CFAP144: variants seen among roughly 807,000 people sequenced by gnomAD.
CFAP144 encodes the protein cilia and flagella associated protein 144.
the CFAP144 span, among the ~76,000 whole-genome samples, chr1:43,149,414 T>G: frequency 6.6e-6 from 1 of 152,228 alleles, no homozygotes; most frequent in East Asian, 1.9e-4. Flanking sequence ...ATTTCCCACT[T>G]TACCTGCATA....
chr1:43,152,998 A>G, the CFAP144 span: 2 of 1,541,382 alleles, frequency 1.3e-6, no homozygotes, highest in Non-Finnish European at 1.8e-6. Flanking sequence ...TGACCGTAGA[A>G]TAGAGCAGGG....
chr1:43,152,845 A>G, the CFAP144 span: 2 of 1,610,484 alleles, frequency 1.2e-6, no homozygotes, highest in Non-Finnish European at 1.7e-6. Flanking sequence ...TCTGAATCTC[A>G]TTCACCATGC....
the CFAP144 span, chr1:43,156,248 G>T: frequency 6.2e-7 from 1 of 1,613,970 alleles, no homozygotes; most frequent in Admixed American, 1.7e-5. Flanking sequence ...TCACTTCAGG[G>T]TCTGCAGTGA....
At chr1:43,145,126 G>T in the CFAP144 span, 1 of 719,470 alleles carries the variant, frequency 1.4e-6, no homozygotes, top group Admixed American at 2.2e-5. Flanking sequence ...TTTTTTGACA[G>T]TTTGCTCCTT....
the CFAP144 span, among the ~76,000 whole-genome samples, chr1:43,149,134 G>A: frequency 6.6e-6 from 1 of 152,156 alleles, no homozygotes; most frequent in East Asian, 1.9e-4. Context: ...TTAGCACTAT[G>A]CTAGGAGGAC....
chr1:43,144,758 ACCCC>A, the CFAP144 span, among the ~76,000 whole-genome samples: 1 of 151,678 alleles, frequency 6.6e-6, no homozygotes, highest in East Asian at 1.9e-4. Flanking sequence ...TTTCCATTAC[ACCCC>A]TGCCTTTCCC....
the CFAP144 span, chr1:43,147,768 G>A: frequency 6.9e-7 from 1 of 1,450,148 alleles, no homozygotes; most frequent in East Asian, 2.6e-5. Flanking sequence ...CGACCGGCGG[G>A]CGCGGGGCGG....
the CFAP144 span, among the ~76,000 whole-genome samples, chr1:43,146,864 T>G: frequency 0.012 from 1,851 of 152,272 alleles, 30 homozygotes; most frequent in African/African-American, 0.043. Flanking sequence ...TTTTATTTTT[T>G]AGAAGGAGTC....
At chr1:43,153,571 T>C in the CFAP144 span, among the ~76,000 whole-genome samples, 1 of 151,982 alleles carries the variant, frequency 6.6e-6, no homozygotes, top group African/African-American at 2.4e-5. Flanking sequence ...ATCACGCCAT[T>C]GCACTCCAGC....
chr1:43,147,761 C>T, the CFAP144 span: 1 of 1,443,414 alleles, frequency 6.9e-7, no homozygotes, highest in Non-Finnish European at 9.0e-7. Flanking sequence ...AAGATCCCGA[C>T]CGGCGGGCGC....
the CFAP144 span, chr1:43,152,941 G>A: frequency 6.2e-7 from 1 of 1,607,786 alleles, no homozygotes; most frequent in Non-Finnish European, 8.5e-7. Flanking sequence ...GGTAAGCGTG[G>A]CTCCTTCCTC....
At chr1:43,151,493 C>T in the CFAP144 span, among the ~76,000 whole-genome samples, 1 of 152,142 alleles carries the variant, frequency 6.6e-6, no homozygotes, top group Non-Finnish European at 1.5e-5. Flanking sequence ...CAGTGGAGTT[C>T]TGGGAAGACC....
At chr1:43,154,377 T>C in the CFAP144 span, among the ~76,000 whole-genome samples, 1 of 132,254 alleles carries the variant, frequency 7.6e-6, no homozygotes, top group Non-Finnish European at 1.5e-5. Context: ...TACATATATA[T>C]GTACATATAC....
chr1:43,151,596 A>G, the CFAP144 span, among the ~76,000 whole-genome samples: 3 of 152,214 alleles, frequency 2.0e-5, no homozygotes, highest in Admixed American at 2.0e-4. Context: ...AAACATGACT[A>G]CAAGTAGTTT....
At chr1:43,146,939 G>T in the CFAP144 span, among the ~76,000 whole-genome samples, 7,331 of 152,260 alleles carry the variant, frequency 0.048, 568 homozygotes, top group African/African-American at 0.16. Flanking sequence ...TCCGCCTCCC[G>T]GGTTCAAGCG....
chr1:43,150,514 TTTAG>T, the CFAP144 span, among the ~76,000 whole-genome samples: 2 of 152,196 alleles, frequency 1.3e-5, no homozygotes, highest in African/African-American at 4.8e-5. Flanking sequence ...TGTAATTAAT[TTTAG>T]TTATTCAAAT....
chr1:43,148,150 C>CGGGTTGCGGGGTG, the CFAP144 span: 1 of 1,451,436 alleles, frequency 6.9e-7, no homozygotes, highest in African/African-American at 1.4e-5. Flanking sequence ...AGGAGCCCTC[C>CGGGTTGCGGGGTG]GGGTTGCGGG....
the CFAP144 span, among the ~76,000 whole-genome samples, chr1:43,155,962 C>T: frequency 0.048 from 7,289 of 152,280 alleles, 568 homozygotes; most frequent in African/African-American, 0.16. Context: ...CTGGGTCTTG[C>T]TCTAGGTGCT....
the CFAP144 span, among the ~76,000 whole-genome samples, chr1:43,146,355 T>C: frequency 6.6e-6 from 1 of 152,226 alleles, no homozygotes; most frequent in Admixed American, 6.5e-5. Context: ...TTAATGCAGA[T>C]ACTAGAATGT....
Sources: allele counts gnomAD v4.1 joint callset (sites outside exome capture counted in the v4.1 genomes callset), GRCh38; gene constraint gnomAD v4.1.1; transcripts MANE v1.5; gene names NCBI Gene and HGNC (gene_info 2026-07-23, HGNC 2026-07-21).